Variants in NUP153 observed in about 807,000 individuals in gnomAD.
NUP153 encodes nucleoporin 153, also known as nuclear pore complex protein Nup153.
A neutral mutation model predicts 134.6 loss-of-function variants in NUP153; 27 were observed. That is an observed-to-expected ratio of 0.20 (90% confidence interval 0.15 to 0.28). The LOEUF is 0.28. NUP153 is among the 10% of genes least tolerant of loss of function. The probability of loss-of-function intolerance (pLI) is 1.00; values close to 1 mark genes in which losing one functional copy is unlikely to be tolerated. For missense variants in NUP153, 1,821 were observed against 1,731.3 expected (o/e 1.05, Z -0.92); for synonymous variants, 640 against 623.5 (o/e 1.03, Z -0.40).
At chr6:17,646,309 G>C (rs371110683) in intron 13 of NUP153, among the ~76,000 whole-genome samples, 155 bp from the exon 14 acceptor site, 1 of 151,542 alleles carries the variant, frequency 6.6e-6, no homozygotes, top group African/African-American at 2.4e-5. Flanking sequence ...CCGGGTTCAC[G>C]CCATTCTCCT....
In NUP153 at chr6:17,669,274, G is replaced by A. The variant is rs372479573; in HGVS notation, c.1014+19C>T. 1.3e-6 allele frequency: 2 copies of A among 1,599,912 alleles called. No individual in the cohort carries two copies. Among genetic ancestry groups the A allele is most frequent in the African/African-American group, 2.7e-5 (2 of 74,502 alleles). ...TTGTATGAACAATATTTTGTAAAAA[G>A]GTTTAAATCTCAACTTACAGAATTC... On this transcript the variant is annotated intron_variant, in intron 7 of 21. Transcript: ENST00000262077.
At chr6:17,659,445 C>CTTAGG (rs1767043031) in intron 11 of NUP153, among the ~76,000 whole-genome samples, 5 of 152,092 alleles carry the variant, frequency 3.3e-5, no homozygotes, top group African/African-American at 1.2e-4. Context: ...CTTATTTACA[C>CTTAGG]AAGGTAAGAC....
intron 1 of NUP153, among the ~76,000 whole-genome samples, chr6:17,692,655 A>T (rs2113855447): frequency 6.6e-6 from 1 of 152,352 alleles, no homozygotes; most frequent in Middle Eastern, 3.4e-3. Context: ...ACCCTAAGTC[A>T]TTAAGAAAAA....
intron 1 of NUP153, among the ~76,000 whole-genome samples, chr6:17,703,400 G>T (rs569183085): frequency 1.3e-5 from 2 of 151,922 alleles, no homozygotes; most frequent in African/African-American, 4.8e-5. Flanking sequence ...AACTAACAGC[G>T]CCAGACCTCT....
intron 5 of NUP153, among the ~76,000 whole-genome samples, chr6:17,672,632 C>CT (rs1767984180): frequency 6.6e-6 from 1 of 152,072 alleles, no homozygotes; most frequent in Non-Finnish European, 1.5e-5. Flanking sequence ...AAAGAACAGT[C>CT]TTTTTAACAA....
chr6:17,654,034 C>A (rs1766660600), intron 11 of NUP153, among the ~76,000 whole-genome samples: 1 of 152,052 alleles, frequency 6.6e-6, no homozygotes, highest in Non-Finnish European at 1.5e-5. Context: ...GTAAATTTTT[C>A]TTTTTTGATA....
chr6:17,647,836 T>C lies in NUP153; in HGVS notation c.1603A>G (p.Thr535Ala), dbSNP rs147753355. The change falls in exon 13 of 22, where the codon ACT (threonine) becomes GCT (alanine). Residue 535 changes from threonine to alanine, a missense_variant. Transcript: ENST00000262077. ...GATGGAGGTAGTACATTTGCCTCAG[T>C]AGATTTTACGATTGGAGATGAAAAT... ...FKFSSPIVKS[T>A]EANVLPPSSI... The C allele has an allele frequency of 7.9e-5, 128 of 1,611,544 alleles. No homozygotes were observed. Among genetic ancestry groups the C allele is most frequent in the Admixed American group, 1.7e-4 (10 of 59,996 alleles).
At chr6:17,645,623 C>T (rs907373114) in intron 14 of NUP153, among the ~76,000 whole-genome samples, 5 of 151,986 alleles carry the variant, frequency 3.3e-5, no homozygotes, top group African/African-American at 1.2e-4. Context: ...CTGATTTCTT[C>T]GGTTCAGAAA....
chr6:17,662,330 T>C (rs1767240149), intron 9 of NUP153, among the ~76,000 whole-genome samples: 1 of 152,200 alleles, frequency 6.6e-6, no homozygotes, highest in African/African-American at 2.4e-5. Flanking sequence ...CTCACTAACC[T>C]AACCACAAAA....
rs184520484 is a variant in NUP153 at position 17,656,564 on chromosome 6, G to C, written c.1395+5089C>G. 2.0e-3 allele frequency among the ~76,000 whole-genome samples: 302 copies of C among 152,112 alleles called. 2 individuals carry two copies. The highest frequency in any genetic ancestry group is 6.6e-3 in the African/African-American group (274 of 41,496). ...TAATTTTTGTTATTTTTTTGTACAC[G>C]TGGGGTTTTGCCATGTTGCTCAGGC... is the stretch of plus-strand genomic sequence containing the variant. On this transcript the variant is annotated intron_variant, in intron 11 of 21. Transcript: ENST00000262077.
At position 17,628,544 on chromosome 6, in the gene NUP153, A is replaced by C. The variant is rs777186570; in HGVS notation, c.3544+111T>G. 2 of 495,228 alleles carry C rather than the reference A, an allele frequency of 4.0e-6. No homozygotes were observed. Among genetic ancestry groups the C allele is most frequent in the Non-Finnish European group, 6.2e-6 (2 of 324,260 alleles). The allele number at this position is 495,228 out of a possible 1,614,324, so 30.7% of individuals were successfully genotyped here. ...CCAAAGAGTTCTGTATTTCTCAACT[A>C]TGTTCAGTGTAAACCATTAATTGAC... On this transcript the variant is annotated intron_variant, in intron 18 of 21. Coordinates refer to ENST00000262077, the MANE Select transcript of NUP153 (RefSeq NM_005124.4). The surrounding 1 kb of genome is among the most constrained non-coding windows in gnomAD (Gnocchi z 5.4).
chr6:17,677,800 G>A (rs1054699812), intron 2 of NUP153, among the ~76,000 whole-genome samples: 6 of 143,904 alleles, frequency 4.2e-5, no homozygotes, highest in African/African-American at 7.8e-5. Flanking sequence ...CGCAATCTTC[G>A]CTCACTGCAG....
chr6:17,617,190 TCA>T (rs1243346857), intron 20 of NUP153, among the ~76,000 whole-genome samples: 1 of 152,126 alleles, frequency 6.6e-6, no homozygotes, highest in African/African-American at 2.4e-5. Flanking sequence ...CTCCAACAAA[TCA>T]CACAACTTAC....
intron 2 of NUP153, 85 bp downstream of exon 2, chr6:17,688,311 T>TTAGA: frequency 1.0e-6 from 1 of 966,942 alleles, no homozygotes; most frequent in Non-Finnish European, 1.6e-6. Flanking sequence ...TACCGCCTGA[T>TTAGA]TAGATTTACC....
intron 11 of NUP153, among the ~76,000 whole-genome samples, chr6:17,657,457 G>C (rs925940569): frequency 4.0e-5 from 6 of 151,848 alleles, no homozygotes; most frequent in African/African-American, 1.5e-4. Context: ...CCAGCTACTT[G>C]GGAGGCTGAG....
Position 17,625,812 on chromosome 6 carries a change from A to C in NUP153, c.3897T>G (p.Ser1299=). ...TTTTTTCTTTTGTAAATGTACCTGC[A>C]GAGCTAGATGTGGTTGTGGCTCCAA... ...FGFGATTTSS[S]AGSSFVFGTG... Residue 1299 remains serine (S), a synonymous_variant, in exon 19 of 22, where the codon TCT becomes TCG. Coordinates refer to ENST00000262077, the MANE Select transcript of NUP153 (RefSeq NM_005124.4). The surrounding 1 kb of genome is among the most constrained non-coding windows in gnomAD (Gnocchi z 4.7). 2 of 1,609,198 alleles carry C rather than the reference A, an allele frequency of 1.2e-6. No homozygotes were observed. The highest frequency in any genetic ancestry group is 1.7e-6 in the Non-Finnish European group (2 of 1,175,772).
intron 1 of NUP153, among the ~76,000 whole-genome samples, chr6:17,692,896 T>G (rs745853761): frequency 5.9e-5 from 9 of 152,118 alleles, no homozygotes; most frequent in Non-Finnish European, 1.0e-4. Context: ...TGAATAAAAT[T>G]GTGCATTCTT....
In NUP153 at chr6:17,637,181, CTTA is replaced by C. The variant is rs756558867; in HGVS notation, c.2433_2435del (p.Asn811del). ...GTTTCTCAGACATACAGGACACACA[CTTA>C]TTGTCTTCTGCATTATTAGAAACAC... On this transcript the variant is annotated inframe_deletion, in exon 16 of 22. Transcript: ENST00000262077. 12 of 1,613,438 alleles carry C rather than the reference CTTA, an allele frequency of 7.4e-6. No individual in the cohort carries two copies. The highest frequency in any genetic ancestry group is 8.5e-6 in the Non-Finnish European group (10 of 1,179,514).
At position 17,629,438 on chromosome 6, in the gene NUP153, T is replaced by C; in HGVS notation, c.2761A>G (p.Thr921Ala). 1.2e-6 allele frequency: 2 copies of C among 1,614,060 alleles called. No homozygotes were observed. The highest frequency in any genetic ancestry group is 1.7e-5 in the Admixed American group (1 of 60,020). Residue 921 changes from threonine (T) to alanine (A), a missense_variant, in exon 18 of 22, where the codon ACT (threonine) becomes GCT (alanine). Physicochemically the swap from Thr to Ala is moderately conservative, Grantham distance 58. Transcript: ENST00000262077. ...SSGPSQTLTS[T>A]GNFKFGDQGG... ...TGATCTCCAAATTTAAAATTTCCAG[T>C]GCTTGTTAAAGTCTGAGAAGGCCCA...
Sources: allele counts gnomAD v4.1 joint callset (sites outside exome capture counted in the v4.1 genomes callset), GRCh38; gene constraint gnomAD v4.1.1; non-coding constraint Gnocchi (gnomAD v3.1); transcripts MANE v1.5; gene names NCBI Gene and HGNC (gene_info 2026-07-23, HGNC 2026-07-21).